DNAJC10: variants seen among roughly 807,000 people sequenced by gnomAD.
The protein encoded by DNAJC10 is DnaJ heat shock protein family (Hsp40) member C10.
A neutral mutation model predicts 115.0 loss-of-function variants in DNAJC10; 101 were observed. That is an observed-to-expected ratio of 0.88 (90% CI 0.75 to 1.04). DNAJC10 has a LOEUF of 1.04. Among genes scored for constraint, DNAJC10 ranks in the 50% least tolerant of loss-of-function variants. The pLI, the probability that DNAJC10 is intolerant of heterozygous loss-of-function variation, is 0.00. For synonymous variants in DNAJC10, 307 were observed against 301.5 expected (o/e 1.02, Z -0.19); for missense variants, 981 against 928.8 (o/e 1.06, Z -0.73).
chr2:182,732,586 AAC>A, intron 10 of DNAJC10, 44 bp downstream of exon 10: 4 of 1,576,148 alleles, frequency 2.5e-6, no homozygotes, highest in African/African-American at 1.3e-5. Flanking sequence ...CATGTAAAGA[AAC>A]ACATTTAGAA....
chr2:182,751,817 T>G, intron 15 of DNAJC10, 32 bp downstream of exon 15: 6 of 1,601,690 alleles, frequency 3.7e-6, no homozygotes, highest in Non-Finnish European at 5.1e-6. Context: ...GATTCTAACA[T>G]TGTCAGATCT....
At position 182,755,028 on chromosome 2, in the gene DNAJC10, C is replaced by A. The variant is rs1464232345; in HGVS notation, c.1577C>A (p.Thr526Lys). The A allele has an allele frequency of 6.2e-7, 1 of 1,605,788 alleles. No homozygotes were observed. The highest frequency in any genetic ancestry group is 8.5e-7 in the Non-Finnish European group (1 of 1,172,744). ...NMYNIQAYPT[T>K]VVFNQSNIHE... ...TATAACATTCAGGCTTATCCAACAA[C>A]AGTGGTATTCAACCAGTCCAACATT... Residue 526 changes from threonine to lysine, a missense_variant, in exon 17 of 24, where the codon ACA (threonine) becomes AAA (lysine). Thr to Lys is a moderately conservative substitution (Grantham distance 78). Coordinates refer to ENST00000264065, the MANE Select transcript of DNAJC10 (RefSeq NM_018981.4).
intron 17 of DNAJC10, 48 bp from the exon 18 acceptor site, chr2:182,756,266 C>G (rs746011262): frequency 1.3e-4 from 183 of 1,441,562 alleles, no homozygotes; most frequent in Non-Finnish European, 1.6e-4. Flanking sequence ...AATATATGAA[C>G]AGCTATGCTT....
intron 11 of DNAJC10, among the ~76,000 whole-genome samples, chr2:182,736,979 AC>A (rs1693601235): frequency 6.6e-6 from 1 of 152,230 alleles, no homozygotes; most frequent in Admixed American, 6.5e-5. Flanking sequence ...TGAACTCCTG[AC>A]CTCAGATGAT....
chr2:182,790,861 CAGTT>C lies in DNAJC10; in HGVS notation c.*13731_*13734del, dbSNP rs1051162611. On this transcript the variant is annotated 3_prime_UTR_variant, in exon 24 of 24. Coordinates refer to ENST00000264065, the MANE Select transcript of DNAJC10 (RefSeq NM_018981.4). Reference sequence around the variant, plus strand: ...ACTAAAATCAAATAACCTTACTTATCAGTTACATTGCCTACTAAGCTGACTTATT... The same window carrying C: ...ACTAAAATCAAATAACCTTACTTATCACATTGCCTACTAAGCTGACTTATT... 1 of 151,464 alleles carries C rather than the reference CAGTT, an allele frequency of 6.6e-6. No individual in the cohort carries two copies. Among genetic ancestry groups the C allele is most frequent in the African/African-American group, 2.4e-5 (1 of 41,288 alleles). The allele number at this position is 151,464 out of a possible 1,614,324, so 9.4% of individuals were successfully genotyped here. A position where few individuals can be genotyped will look rare whatever the true frequency, so the allele number is the denominator to read the frequency against.
intron 8 of DNAJC10, 47 bp downstream of exon 8, chr2:182,729,988 T>C: frequency 7.4e-7 from 1 of 1,344,948 alleles, no homozygotes; most frequent in Non-Finnish European, 1.1e-6. Flanking sequence ...TATTTTGAAA[T>C]CAGTATTTTG....
intron 14 of DNAJC10, among the ~76,000 whole-genome samples, chr2:182,748,836 A>T (rs528062900): frequency 1.3e-5 from 2 of 152,066 alleles, no homozygotes; most frequent in South Asian, 4.2e-4. Flanking sequence ...AATGCGTCCC[A>T]GAGATTGTGG....
Position 182,751,762 on chromosome 2 carries a change from T to C in DNAJC10, c.1411T>C (p.Trp471Arg), listed in dbSNP as rs753908275. 1.2e-6 allele frequency: 2 copies of C among 1,613,772 alleles called. No homozygotes were observed. Reference protein sequence around the residue: ...QNFPANDKEPWLVDFFAPWCP... With the variant: ...QNFPANDKEPRLVDFFAPWCP... ...TTTTCCTGCCAATGACAAAGAACCA[T>C]GGCTTGTTGATTTCTTTGCCCCCGT... Residue 471 changes from tryptophan (W) to arginine (R), a missense_variant, in exon 15 of 24, where the codon TGG (tryptophan) becomes CGG (arginine). Coordinates refer to ENST00000264065, the MANE Select transcript of DNAJC10 (RefSeq NM_018981.4).
chr2:182,757,728 T>G lies in DNAJC10; in HGVS notation c.1846T>G (p.Cys616Gly). The G allele has an allele frequency of 6.2e-7, 1 of 1,602,148 alleles. No homozygotes were observed. The highest frequency in any genetic ancestry group is 1.1e-5 in the South Asian group (1 of 88,172). ...ACTGATCAACGTGGGCAGTATAGAT[T>G]GCCAACAGTATCATTCTTTTTGTGC... is the stretch of plus-strand genomic sequence containing the variant. ...TGLINVGSID[C>G]QQYHSFCAQE... Residue 616 changes from cysteine (C) to glycine (G), a missense_variant, in exon 19 of 24, where the codon TGC (cysteine) becomes GGC (glycine). Physicochemically the swap from Cys to Gly is radical, Grantham distance 159. Transcript: ENST00000264065.
At chr2:182,724,996 T>C (rs552166654) in intron 5 of DNAJC10, among the ~76,000 whole-genome samples, 1 of 152,308 alleles carries the variant, frequency 6.6e-6, no homozygotes, top group South Asian at 2.1e-4. Context: ...TTAGCAACCC[T>C]ACATCAAGCG....
chr2:182,754,477 G>A (rs1290702040), intron 16 of DNAJC10, among the ~76,000 whole-genome samples: 1 of 152,068 alleles, frequency 6.6e-6, no homozygotes, highest in Non-Finnish European at 1.5e-5. Context: ...TACTATAAAG[G>A]CTATCTTGAA....
Position 182,741,324 on chromosome 2 carries a change from C to T in DNAJC10, c.1159C>T (p.Leu387=). The T allele has an allele frequency of 6.3e-7, 1 of 1,585,448 alleles. No homozygotes were observed. The highest frequency in any genetic ancestry group is 8.6e-7 in the Non-Finnish European group (1 of 1,163,254). The change falls in exon 13 of 24, where the codon CTA becomes TTA. Residue 387 remains leucine, a synonymous_variant. Transcript: ENST00000264065. ...TTCAAATGATCCTGAGCTGAAAAAA[C>T]TAAAAACTCTACTTAAAAATGATCA... The part of the protein sequence containing the change: ...ENSNDPELKK[L]KTLLKNDHIQ...
At position 182,777,174 on chromosome 2, in the gene DNAJC10, A is replaced by AGAT. The variant is rs1252043732; in HGVS notation, c.*45_*47dup. The AGAT allele has an allele frequency of 8.0e-7, 1 of 1,256,516 alleles. No individual in the cohort carries two copies. 77.8% of individuals were successfully genotyped at this position (1,256,516 alleles called of 1,614,324 possible). A position where few individuals can be genotyped will look rare whatever the true frequency, so the allele number is the denominator to read the frequency against. On this transcript the variant is annotated 3_prime_UTR_variant, in exon 24 of 24. Transcript: ENST00000264065. ...GAAAAAGTTTAAAAGAAATTCTGAC[A>AGAT]GATGACATCAGAAGACACCTATTTA...
Position 182,736,334 on chromosome 2 carries a change from C to T in DNAJC10, c.935C>T (p.Ala312Val). Residue 312 changes from alanine to valine, a missense_variant, in exon 11 of 24, where the codon GCT becomes GTT. Coordinates refer to ENST00000264065, the MANE Select transcript of DNAJC10 (RefSeq NM_018981.4). Reference sequence around the variant, plus strand: ...TTAGATATTACAACAAGTACTACTGCTTATTTTCCTCCTGGAGCCACTTTA... The same window carrying T: ...TTAGATATTACAACAAGTACTACTGTTTATTTTCCTCCTGGAGCCACTTTA... ...KSLDITTSTT[A>V]YFPPGATLNN... 2 of 1,589,336 alleles carry T rather than the reference C, an allele frequency of 1.3e-6. No individual in the cohort carries two copies. The highest frequency in any genetic ancestry group is 1.7e-6 in the Non-Finnish European group (2 of 1,170,274).
intron 22 of DNAJC10, among the ~76,000 whole-genome samples, chr2:182,772,260 A>T (rs960276026): frequency 1.3e-5 from 2 of 152,216 alleles, no homozygotes; most frequent in Non-Finnish European, 2.9e-5. Context: ...ATTTTAGAAT[A>T]AGTGCAGTGT....
chr2:182,766,617 T>C (rs529020199), intron 22 of DNAJC10, among the ~76,000 whole-genome samples: 7 of 152,252 alleles, frequency 4.6e-5, no homozygotes, highest in Non-Finnish European at 8.8e-5. Flanking sequence ...CTTTTCCTTA[T>C]ACTCCAGGGA....
At position 182,759,267 on chromosome 2, in the gene DNAJC10, C is replaced by G; in HGVS notation, c.2105C>G (p.Pro702Arg). The G allele has an allele frequency of 1.2e-6, 2 of 1,610,512 alleles. No individual in the cohort carries two copies. The highest frequency in any genetic ancestry group is 1.1e-5 in the South Asian group (1 of 89,808). Residue 702 changes from proline to arginine, a missense_variant, in exon 21 of 24, where the codon CCT becomes CGT. Coordinates refer to ENST00000264065, the MANE Select transcript of DNAJC10 (RefSeq NM_018981.4). The stretch of plus-strand genomic sequence containing the variant: ...GATTTCTATGCTCCTTGGTGTGGAC[C>G]TTGCCAGAATTTTGCTCCAGAATTT... ...VIDFYAPWCG[P>R]CQNFAPEFEL...
intron 7 of DNAJC10, among the ~76,000 whole-genome samples, chr2:182,729,506 T>A (rs994253035): frequency 2.6e-5 from 4 of 152,230 alleles, no homozygotes; most frequent in African/African-American, 9.6e-5. Context: ...AATTTCAGTT[T>A]CTGTCTTAAG....
chr2:182,788,686 C>T lies in DNAJC10; in HGVS notation c.*11554C>T. 2.6e-6 allele frequency: 1 copy of T among 383,386 alleles called. No individual in the cohort carries two copies. The highest frequency in any genetic ancestry group is 2.0e-5 in the South Asian group (1 of 50,642). 23.7% of individuals were successfully genotyped at this position (383,386 alleles called of 1,614,324 possible). ...GAGAACAAAAGGAAGTGAGCTTATC[C>T]CACAGCACAAGTAACGTCTATTTAT... On this transcript the variant is annotated 3_prime_UTR_variant, in exon 24 of 24. Coordinates refer to ENST00000264065, the MANE Select transcript of DNAJC10 (RefSeq NM_018981.4).
Sources: allele counts gnomAD v4.1 joint callset (sites outside exome capture counted in the v4.1 genomes callset), GRCh38; gene constraint gnomAD v4.1.1; transcripts MANE v1.5; gene names NCBI Gene and HGNC (gene_info 2026-07-23, HGNC 2026-07-21).